COLQ: variants seen among roughly 807,000 people sequenced by gnomAD.
COLQ encodes acetylcholinesterase collagenic tail peptide.
In COLQ, 48 loss-of-function variants were observed where a neutral mutation model predicts 69.0. The observed-to-expected ratio is 0.70, with a 90% CI of 0.55 to 0.88. The LOEUF (loss-of-function observed/expected upper bound fraction) is 0.88. Among genes scored for constraint, COLQ ranks in the 40% least tolerant of loss-of-function variants. The probability of loss-of-function intolerance (pLI) is 0.00; values close to 1 mark genes in which losing one functional copy is unlikely to be tolerated. For missense variants in COLQ, 618 were observed against 594.6 expected, an observed-to-expected ratio of 1.04 and a Z score of -0.41; for synonymous variants, 217 against 211.2, an observed-to-expected ratio of 1.03 and a Z score of -0.24.
rs766356664 is a variant in COLQ at position 15,477,189 on chromosome 3, A to G, written c.402T>C (p.Pro134=). The part of the protein sequence containing the change: ...ELGRPGRKGR[P]GPPGVPGMPG... ...GCATGCCAGGAACACCTGGGGGGCC[A>G]GGTCTACCCTTCAAAGACCAAGAAC... is the stretch of plus-strand genomic sequence containing the variant. Residue 134 remains proline (P), a synonymous_variant, in exon 6 of 17, where the codon CCT becomes CCC. Transcript: ENST00000383788. 2.8e-5 allele frequency: 45 copies of G among 1,605,580 alleles called. No homozygotes were observed. Among genetic ancestry groups the G allele is most frequent in the Non-Finnish European group, 3.7e-5 (44 of 1,176,468 alleles).
chr3:15,473,828 C>T lies in COLQ; in HGVS notation c.636+172G>A, dbSNP rs544833384. The stretch of plus-strand genomic sequence containing the variant: ...TAGAGGGAGGCTCCAGACCATCCTG[C>T]CACCCTCTCCCCAGGGTGAAAAGCA... On this transcript the variant is annotated intron_variant, in intron 10 of 16. Transcript: ENST00000383788. The surrounding 1 kb of genome is among the most constrained non-coding windows in gnomAD (Gnocchi z 4.0). Among the ~76,000 whole-genome samples, 1 of 152,306 alleles carries T rather than the reference C, an allele frequency of 6.6e-6. No homozygotes were observed. The highest frequency in any genetic ancestry group is 2.1e-4 in the South Asian group (1 of 4,824).
intron 13 of COLQ, 108 bp from the exon 14 acceptor site, chr3:15,456,687 G>A: frequency 6.8e-7 from 1 of 1,472,836 alleles, no homozygotes; most frequent in Non-Finnish European, 9.3e-7. Context: ...TCAACAGTGG[G>A]AAGAGGGGTT....
chr3:15,460,682 A>C (rs546310353), intron 12 of COLQ, among the ~76,000 whole-genome samples: 54 of 152,348 alleles, frequency 3.5e-4, no homozygotes, highest in African/African-American at 1.2e-3. Flanking sequence ...GCACTGTGCC[A>C]ATATCTTATC....
At position 15,474,922 on chromosome 3, in the gene COLQ, A is replaced by C; in HGVS notation, c.555+3T>G. On this transcript the variant is annotated splice_donor_region_variant and intron_variant, in intron 8 of 16. Transcript: ENST00000383788. The stretch of plus-strand genomic sequence containing the variant: ...TAGGACACCATCCAAGAAAAGCACT[A>C]ACCTTTTCCCCTCTGGATCCAGGGT... 2 of 1,614,132 alleles carry C rather than the reference A, an allele frequency of 1.2e-6. No homozygotes were observed. Among genetic ancestry groups the C allele is most frequent in the South Asian group, 2.2e-5 (2 of 91,084 alleles).
At chr3:15,479,520 G>A in intron 3 of COLQ, 138 bp from the exon 4 acceptor site, 1 of 843,580 alleles carries the variant, frequency 1.2e-6, no homozygotes, top group Non-Finnish European at 2.0e-6. Flanking sequence ...ACCCATGGAG[G>A]CTTTTCCTTT....
At chr3:15,513,702 C>CA (rs1270405887) in intron 1 of COLQ, among the ~76,000 whole-genome samples, 1 of 152,138 alleles carries the variant, frequency 6.6e-6, no homozygotes, top group Non-Finnish European at 1.5e-5. Context: ...AGAAGGAACC[C>CA]AAATGAAGAC....
chr3:15,488,175 C>T lies in COLQ; in HGVS notation c.321+31G>A, dbSNP rs572514034. On this transcript the variant is annotated intron_variant, in intron 3 of 16. Transcript: ENST00000383788. ...GGGCTTTCCTGCTCTAAACAGAAGACAGCGAGAGGGGTCCGGTAGAGTGCA... is the reference window on the plus strand; with the variant it reads ...GGGCTTTCCTGCTCTAAACAGAAGATAGCGAGAGGGGTCCGGTAGAGTGCA... 4 of 1,510,980 alleles carry T rather than the reference C, an allele frequency of 2.6e-6. No homozygotes were observed. In the East Asian group the frequency reaches 9.0e-5, roughly 34 times the overall value. 93.6% of individuals were successfully genotyped at this position (1,510,980 alleles called of 1,614,324 possible).
chr3:15,469,545 A>T (rs2062249288), intron 11 of COLQ, among the ~76,000 whole-genome samples: 1 of 152,180 alleles, frequency 6.6e-6, no homozygotes, highest in Non-Finnish European at 1.5e-5. Flanking sequence ...GCACAGTCTA[A>T]ATTTTCCAGG....
intron 1 of COLQ, among the ~76,000 whole-genome samples, chr3:15,496,616 C>G (rs1452260608): frequency 6.6e-6 from 1 of 152,266 alleles, no homozygotes; most frequent in Non-Finnish European, 1.5e-5. Flanking sequence ...CAGCACCAGG[C>G]AGCTGCCTTG....
At chr3:15,510,858 A>G (rs372653128) in intron 1 of COLQ, among the ~76,000 whole-genome samples, 2 of 146,606 alleles carry the variant, frequency 1.4e-5, no homozygotes, top group African/African-American at 5.1e-5. Flanking sequence ...GAGGAAGGAA[A>G]GAAGGAAGGA....
Position 15,455,890 on chromosome 3 carries a change from C to T in COLQ, c.1195+9G>A. 1 of 1,614,106 alleles carries T rather than the reference C, an allele frequency of 6.2e-7. No individual in the cohort carries two copies. The highest frequency in any genetic ancestry group is 8.5e-7 in the Non-Finnish European group (1 of 1,179,970). On this transcript the variant is annotated intron_variant, in intron 15 of 16. Transcript: ENST00000383788. ...GGCCTCAGGTCCTCCTGGTCTGGGC[C>T]TCACTCACGGATGCAGTCGTCACCC...
Position 15,456,027 on chromosome 3 carries a change from A to G in COLQ, c.1075-8T>C. The G allele has an allele frequency of 6.2e-7, 1 of 1,613,956 alleles. No homozygotes were observed. Among genetic ancestry groups the G allele is most frequent in the Non-Finnish European group, 8.5e-7 (1 of 1,179,948 alleles). Reference sequence around the variant, plus strand: ...AGGGTAGAAAGGGGTCAGCTGGCCAAAGAAGCACACAGCATTAACTGGAGC... The same window carrying G: ...AGGGTAGAAAGGGGTCAGCTGGCCAGAGAAGCACACAGCATTAACTGGAGC... On this transcript the variant is annotated splice_region_variant and splice_polypyrimidine_tract_variant and intron_variant, in intron 14 of 16. Transcript: ENST00000383788.
chr3:15,456,739 G>A (rs2062031836), intron 13 of COLQ, among the ~76,000 whole-genome samples, 160 bp from the exon 14 acceptor site: 1 of 152,212 alleles, frequency 6.6e-6, no homozygotes, highest in Admixed American at 6.5e-5. Flanking sequence ...TGAGAGGAGT[G>A]TCTTGATTCC....
intron 13 of COLQ, among the ~76,000 whole-genome samples, 170 bp downstream of exon 13, chr3:15,458,016 A>G (rs1443378667): frequency 2.0e-5 from 3 of 152,208 alleles, no homozygotes; most frequent in African/African-American, 7.2e-5. Flanking sequence ...CAAATGGACA[A>G]TTTGGTTTTC....
intron 1 of COLQ, among the ~76,000 whole-genome samples, chr3:15,501,958 A>T (rs1231031282): frequency 6.6e-6 from 1 of 152,222 alleles, no homozygotes; most frequent in Non-Finnish European, 1.5e-5. Context: ...AGTCTTGGAT[A>T]AAGTCTTCCT....
intron 3 of COLQ, among the ~76,000 whole-genome samples, chr3:15,483,471 C>G (rs574115743): frequency 2.0e-4 from 31 of 152,228 alleles, no homozygotes; most frequent in Admixed American, 9.8e-4. Flanking sequence ...TCATTATGTA[C>G]CCAGTAGTCA....
chr3:15,489,241 T>G lies in COLQ; in HGVS notation c.219+284A>C, dbSNP rs370193290. 9.2e-5 allele frequency among the ~76,000 whole-genome samples: 14 copies of G among 152,338 alleles called. 1 individual carries two copies. The highest frequency in any genetic ancestry group is 1.9e-4 in the East Asian group (1 of 5,184). ...GGAACCCAGGAAGTTATATTATAAA[T>G]TCACCTCATGGTTTTTGAGAAGATG... On this transcript the variant is annotated intron_variant, in intron 2 of 16. Transcript: ENST00000383788.
Position 15,451,646 on chromosome 3 carries a change from A to T in COLQ, c.1366T>A (p.Ter456ArgextTer3). 6.2e-7 allele frequency: 1 copy of T among 1,614,138 alleles called. No individual in the cohort carries two copies. Among genetic ancestry groups the T allele is most frequent in the Non-Finnish European group, 8.5e-7 (1 of 1,179,960 alleles). ...AGCCCACCTTCTCCTCACGGCCCTC[A>T]GGTGAAGTAGCGGCAGGGCGTGGAG... ...IDSTPCRYFT[*>R] Residue 456 changes from the stop codon to arginine, a stop_lost, in exon 17 of 17, where the codon TGA becomes AGA. Coordinates refer to ENST00000383788, the MANE Select transcript of COLQ (RefSeq NM_005677.4).
In COLQ at chr3:15,458,317, T is replaced by G; in HGVS notation, c.823A>C (p.Ile275Leu). 3.7e-6 allele frequency: 6 copies of G among 1,614,072 alleles called. No homozygotes were observed. The highest frequency in any genetic ancestry group is 3.4e-6 in the Non-Finnish European group (4 of 1,179,994). The change falls in exon 13 of 17, where the codon ATA becomes CTA. Residue 275 changes from isoleucine (I) to leucine (L), a missense_variant. Transcript: ENST00000383788. ...PPGPPPAGQL[I>L]MGPKGERGFP... ...CCTCTTTCCCCTTTGGGTCCCATTA[T>G]AAGTTGTCCTAGGAAGCAACAGACT...
Sources: gnomAD v4.1 joint callset for allele counts (sites outside exome capture counted in the v4.1 genomes callset) on GRCh38, gnomAD v4.1.1 for gene constraint, Gnocchi (gnomAD v3.1) non-coding constraint, MANE v1.5 for transcripts, NCBI Gene and HGNC (gene_info 2026-07-23, HGNC 2026-07-21) for gene names.